Variants in DIP2C observed in about 807,000 individuals in gnomAD.
The protein encoded by DIP2C is disco-interacting protein 2 homolog C.
Under a neutral mutation model 192.4 loss-of-function variants are expected in DIP2C, and 33 were observed. That is an observed-to-expected ratio of 0.17 (90% confidence interval 0.13 to 0.23). The LOEUF (loss-of-function observed/expected upper bound fraction) is 0.23, where lower values mean the gene tolerates loss of function less well. Among genes scored for constraint, DIP2C ranks in the 10% least tolerant of loss-of-function variants. DIP2C has a pLI of 1.00. For missense variants in DIP2C, 1,537 were observed against 2,110.1 expected (o/e 0.73, Z 5.32); for synonymous variants, 979 against 864.1 (o/e 1.13, Z -2.33).
At chr10:454,773 G>C (rs1969150914) in intron 3 of DIP2C, among the ~76,000 whole-genome samples, 1 of 151,910 alleles carries the variant, frequency 6.6e-6, no homozygotes, top group African/African-American at 2.4e-5. Flanking sequence ...TGTCATTATT[G>C]CAATGAGATA....
At chr10:405,575 G>C (rs1283880373) in intron 9 of DIP2C, among the ~76,000 whole-genome samples, 1 of 152,186 alleles carries the variant, frequency 6.6e-6, no homozygotes, top group Non-Finnish European at 1.5e-5. Flanking sequence ...TTCAGTATTT[G>C]AATCAGTCAC....
At chr10:378,072 G>A (rs1175941750) in intron 17 of DIP2C, among the ~76,000 whole-genome samples, 1 of 152,096 alleles carries the variant, frequency 6.6e-6, no homozygotes, top group Non-Finnish European at 1.5e-5. Flanking sequence ...CAGTTTCCTG[G>A]TTTTCGCCTT....
At chr10:310,848 T>G (rs549086156) in intron 31 of DIP2C, among the ~76,000 whole-genome samples, 5 of 152,184 alleles carry the variant, frequency 3.3e-5, no homozygotes, top group Non-Finnish European at 7.3e-5. Context: ...TGTACACTCA[T>G]TTTTGGGGAA....
chr10:339,516 G>T (rs558854256), intron 29 of DIP2C, among the ~76,000 whole-genome samples: 24 of 152,300 alleles, frequency 1.6e-4, no homozygotes, highest in Admixed American at 5.2e-4. Context: ...TTTCCATGGG[G>T]AGCCAGGCTT....
chr10:323,435 G>C (rs1478499860), intron 31 of DIP2C, among the ~76,000 whole-genome samples: 5 of 63,854 alleles, frequency 7.8e-5, no homozygotes, highest in East Asian at 5.3e-4. Flanking sequence ...ACAGTCAGTC[G>C]GGGGTGCGGG....
At chr10:576,020 C>G (rs1435951427) in intron 1 of DIP2C, among the ~76,000 whole-genome samples, 1 of 152,216 alleles carries the variant, frequency 6.6e-6, no homozygotes, top group Non-Finnish European at 1.5e-5. Flanking sequence ...GCTCCTGAGG[C>G]CACACCTGTT....
intron 34 of DIP2C, among the ~76,000 whole-genome samples, chr10:285,446 G>A (rs1955060855): frequency 6.6e-6 from 1 of 152,204 alleles, no homozygotes; most frequent in South Asian, 2.1e-4. Flanking sequence ...CAGACATGGG[G>A]CTTTGTCCAA....
At chr10:287,648 C>CT (rs1432084919) in intron 33 of DIP2C, among the ~76,000 whole-genome samples, 1 of 135,306 alleles carries the variant, frequency 7.4e-6, no homozygotes, top group South Asian at 2.5e-4. Context: ...GAGAAGGAAT[C>CT]TGACAACTGG....
rs140053908 is a variant in DIP2C, at chr10:348,562, A to G, written c.3231+79T>C. Reference sequence around the variant, plus strand: ...TTCCACAGCCAGCAGCTGCCCCAAGAGATGTCAGAGTCTGCGCGTTGCAAG... The same window carrying G: ...TTCCACAGCCAGCAGCTGCCCCAAGGGATGTCAGAGTCTGCGCGTTGCAAG... On this transcript the variant is annotated intron_variant, in intron 26 of 36. Transcript: ENST00000280886. 83 of 1,555,714 alleles carry G rather than the reference A, an allele frequency of 5.3e-5. 1 individual carries two copies. The East Asian group carries it at 1.8e-3, about 35-fold the overall frequency.
chr10:428,177 A>T (rs2133198888), intron 4 of DIP2C, among the ~76,000 whole-genome samples: 1 of 152,314 alleles, frequency 6.6e-6, no homozygotes, highest in South Asian at 2.1e-4. Context: ...AAATTCTAAG[A>T]TCATAAAAAA....
At position 418,183 on chromosome 10, in the gene DIP2C, A is replaced by T. The variant is rs75062752; in HGVS notation, c.739+882T>A. Among the ~76,000 whole-genome samples, 23 of 36,616 alleles carry T rather than the reference A, an allele frequency of 6.3e-4. 1 individual carries two copies. The highest frequency in any genetic ancestry group is 1.3e-3 in the African/African-American group (9 of 6,886). 24.0% of individuals were successfully genotyped at this position (36,616 alleles called of 152,430 possible). ...CGGACAGGCCTCCCTGTCCACCTGC[A>T]CCTGTCAGGGCGCGGACAGGCCTCC... On this transcript the variant is annotated intron_variant, in intron 6 of 36. Coordinates refer to ENST00000280886, the MANE Select transcript of DIP2C (RefSeq NM_014974.3).
chr10:515,620 G>C (rs373691008), intron 1 of DIP2C, among the ~76,000 whole-genome samples: 1 of 152,164 alleles, frequency 6.6e-6, no homozygotes, highest in African/African-American at 2.4e-5. Flanking sequence ...CTACTCAAGA[G>C]GCTGAGGCAG....
At chr10:393,649 C>T (rs932860172) in intron 10 of DIP2C, among the ~76,000 whole-genome samples, 9 of 151,916 alleles carry the variant, frequency 5.9e-5, no homozygotes, top group South Asian at 2.1e-4. Context: ...TGCCATGGTA[C>T]GCGCCTGTAA....
chr10:281,380 C>T, intron 35 of DIP2C, 57 bp from the exon 36 acceptor site: 2 of 1,483,586 alleles, frequency 1.3e-6, no homozygotes, highest in Admixed American at 2.1e-5. Flanking sequence ...AAGCCGTTTC[C>T]TTCTTTTCTT....
At chr10:659,174 C>T (rs117174884) in intron 1 of DIP2C, among the ~76,000 whole-genome samples, 3,982 of 152,358 alleles carry the variant, frequency 0.026, 87 homozygotes, top group Non-Finnish European at 0.041. Context: ...CACACATATA[C>T]ATTTATAACT....
intron 1 of DIP2C, among the ~76,000 whole-genome samples, chr10:618,334 G>A (rs1323682070): frequency 6.6e-6 from 1 of 152,222 alleles, no homozygotes; most frequent in Non-Finnish European, 1.5e-5. Flanking sequence ...GCCTGGAGAG[G>A]CAGACATATC....
intron 2 of DIP2C, among the ~76,000 whole-genome samples, chr10:482,809 G>T (rs1004736389): frequency 2.3e-4 from 35 of 152,154 alleles, no homozygotes; most frequent in African/African-American, 8.2e-4. Flanking sequence ...GCCAGGCAGT[G>T]GATTTTATTT....
intron 31 of DIP2C, among the ~76,000 whole-genome samples, chr10:315,621 A>G (rs529799137): frequency 6.6e-6 from 1 of 152,286 alleles, no homozygotes; most frequent in Admixed American, 6.5e-5. Flanking sequence ...TGACTCTGCC[A>G]CTGACTTTCG....
chr10:429,742 C>A (rs967369088), intron 4 of DIP2C, among the ~76,000 whole-genome samples: 2 of 151,674 alleles, frequency 1.3e-5, no homozygotes, highest in African/African-American at 4.8e-5. Flanking sequence ...CAATAATATC[C>A]CATTGTCTGT....
Sources: allele counts gnomAD v4.1 joint callset (sites outside exome capture counted in the v4.1 genomes callset), GRCh38; gene constraint gnomAD v4.1.1; transcripts MANE v1.5; gene names NCBI Gene and HGNC (gene_info 2026-07-23, HGNC 2026-07-21).